Variants in ERC2 observed in about 807,000 individuals in gnomAD.
ERC2 encodes the protein ELKS/RAB6-interacting/CAST family member 2.
ERC2 carries 42 observed loss-of-function variants against 114.8 expected under a neutral mutation model. The observed-to-expected ratio is 0.37, with a 90% CI of 0.29 to 0.47. ERC2 has a LOEUF of 0.47. Among genes scored for constraint, ERC2 ranks in the 20% least tolerant of loss-of-function variants. The pLI is 0.99. For synonymous variants in ERC2, 454 were observed against 425.5 expected (o/e 1.07, Z -0.82); for missense variants, 939 against 1,150.7 (o/e 0.82, Z 2.66).
At chr3:55,703,611 C>G (rs573495407) in intron 15 of ERC2, among the ~76,000 whole-genome samples, 1 of 152,296 alleles carries the variant, frequency 6.6e-6, no homozygotes, top group East Asian at 1.9e-4. Flanking sequence ...GTGTGGATTG[C>G]CCTTGCACTC....
intron 14 of ERC2, among the ~76,000 whole-genome samples, chr3:55,763,459 C>T (rs2067577133): frequency 6.6e-6 from 1 of 152,094 alleles, no homozygotes; most frequent in Non-Finnish European, 1.5e-5. Context: ...GAGATAGATG[C>T]ATCGGGTGTG....
intron 3 of ERC2, among the ~76,000 whole-genome samples, chr3:56,238,079 T>G (rs964914470): frequency 6.6e-6 from 1 of 152,180 alleles, no homozygotes; most frequent in South Asian, 2.1e-4. Context: ...GCCATGGACT[T>G]TAGAGGGCAC....
Position 55,576,153 on chromosome 3 carries a change from T to TA in ERC2, c.*40-64878dup, listed in dbSNP as rs1199299307. Among the ~76,000 whole-genome samples, 9 of 151,366 alleles carry TA rather than the reference T, an allele frequency of 5.9e-5. No homozygotes were observed. The South Asian group carries it at 6.3e-4, about 11-fold the overall frequency. ...GGTGAAACCCTATCTCCACTAAAAATAAAAAAAATTATCCAGGCATGGTGG... is the reference window on the plus strand; with the variant it reads ...GGTGAAACCCTATCTCCACTAAAAATAAAAAAAAATTATCCAGGCATGGTGG... On this transcript the variant is annotated intron_variant, in intron 17 of 17. Transcript: ENST00000288221.
At chr3:55,654,727 G>C (rs1277136042) in intron 17 of ERC2, among the ~76,000 whole-genome samples, 1 of 152,230 alleles carries the variant, frequency 6.6e-6, no homozygotes, top group Non-Finnish European at 1.5e-5. Flanking sequence ...GGAGACCGGA[G>C]GCATGTGTTG....
rs573878627 is a variant in ERC2 at position 55,670,572 on chromosome 3, C to T, written c.*39+13222G>A. Reference sequence around the variant, plus strand: ...CTCTGGAGTCAGACATACCTGGGTTCGGATCCTAGCTCTGAGATTTTGGAG... The same window carrying T: ...CTCTGGAGTCAGACATACCTGGGTTTGGATCCTAGCTCTGAGATTTTGGAG... On this transcript the variant is annotated intron_variant, in intron 17 of 17. Transcript: ENST00000288221. 8.1e-4 allele frequency among the ~76,000 whole-genome samples: 123 copies of T among 152,328 alleles called. No individual in the cohort carries two copies. In the Middle Eastern group the frequency reaches 0.01, roughly 13 times the overall value.
At chr3:55,669,425 A>G (rs959524462) in intron 17 of ERC2, among the ~76,000 whole-genome samples, 1 of 152,218 alleles carries the variant, frequency 6.6e-6, no homozygotes, top group Non-Finnish European at 1.5e-5. Context: ...TGCTTTCTCA[A>G]CAAGCTGTTT....
chr3:55,726,202 CA>C (rs1433628450), intron 15 of ERC2, among the ~76,000 whole-genome samples: 1 of 152,190 alleles, frequency 6.6e-6, no homozygotes, highest in Non-Finnish European at 1.5e-5. Flanking sequence ...TGCATTTTAG[CA>C]ATTTGATCTG....
At chr3:56,381,191 T>C (rs2106720792) in intron 2 of ERC2, among the ~76,000 whole-genome samples, 1 of 152,322 alleles carries the variant, frequency 6.6e-6, no homozygotes. Context: ...AATGGGGAAT[T>C]TCTTCTTATA....
intron 2 of ERC2, among the ~76,000 whole-genome samples, chr3:56,423,661 CA>C (rs1409051316): frequency 5.9e-5 from 9 of 152,148 alleles, no homozygotes; most frequent in African/African-American, 2.2e-4. Flanking sequence ...ACGTTGCTTC[CA>C]AGGCACAATC....
chr3:55,588,598 GA>G (rs2057714345), intron 17 of ERC2, among the ~76,000 whole-genome samples: 1 of 152,142 alleles, frequency 6.6e-6, no homozygotes, highest in African/African-American at 2.4e-5. Context: ...CAGAAGATGG[GA>G]AACATTGGCT....
intron 14 of ERC2, among the ~76,000 whole-genome samples, chr3:55,821,952 A>G (rs1380585647): frequency 6.6e-6 from 1 of 152,218 alleles, no homozygotes; most frequent in African/African-American, 2.4e-5. Flanking sequence ...TGTTCATGCT[A>G]TGCTCCCAGC....
At chr3:55,871,335 G>C (rs897507718) in intron 14 of ERC2, among the ~76,000 whole-genome samples, 14 of 152,178 alleles carry the variant, frequency 9.2e-5, no homozygotes. Context: ...AGGTGGTTTT[G>C]GGGGTAAGCC....
intron 6 of ERC2, among the ~76,000 whole-genome samples, chr3:56,125,409 A>G (rs2079813139): frequency 6.6e-6 from 1 of 152,182 alleles, no homozygotes; most frequent in South Asian, 2.1e-4. Flanking sequence ...TGGGTAAAAG[A>G]GATGATGTCA....
At chr3:55,643,038 A>G (rs2060251821) in intron 17 of ERC2, among the ~76,000 whole-genome samples, 1 of 152,236 alleles carries the variant, frequency 6.6e-6, no homozygotes, top group Non-Finnish European at 1.5e-5. Flanking sequence ...TGAGTATTTT[A>G]GAGGCAGTGG....
intron 3 of ERC2, among the ~76,000 whole-genome samples, chr3:56,262,016 C>T (rs955490699): frequency 6.6e-6 from 1 of 152,128 alleles, no homozygotes; most frequent in African/African-American, 2.4e-5. Flanking sequence ...CCTCCAGCTC[C>T]ATCCATGTCC....
At chr3:55,759,853 G>C (rs1575512945) in intron 14 of ERC2, among the ~76,000 whole-genome samples, 1 of 152,190 alleles carries the variant, frequency 6.6e-6, no homozygotes, top group South Asian at 2.1e-4. Context: ...TTACACACAT[G>C]AGTAATTAAA....
intron 2 of ERC2, among the ~76,000 whole-genome samples, chr3:56,410,209 T>C (rs1285091727): frequency 1.3e-5 from 2 of 152,222 alleles, no homozygotes; most frequent in Non-Finnish European, 2.9e-5. Context: ...TTGGGATATA[T>C]ATAGAGAGCA....
intron 2 of ERC2, among the ~76,000 whole-genome samples, chr3:56,337,933 A>C (rs1286088036): frequency 6.6e-6 from 1 of 152,240 alleles, no homozygotes; most frequent in Non-Finnish European, 1.5e-5. Context: ...TGGTGCAAAA[A>C]ATTAATAGAT....
intron 3 of ERC2, among the ~76,000 whole-genome samples, chr3:56,246,388 T>C (rs970164116): frequency 2.0e-5 from 3 of 152,190 alleles, no homozygotes; most frequent in Non-Finnish European, 2.9e-5. Flanking sequence ...CAATCAAAAC[T>C]GTCTCCAGTC....
Sources: allele counts gnomAD v4.1 joint callset (sites outside exome capture counted in the v4.1 genomes callset), GRCh38; gene constraint gnomAD v4.1.1; transcripts MANE v1.5; gene names NCBI Gene and HGNC (gene_info 2026-07-23, HGNC 2026-07-21).